ENTREP2: variants seen among roughly 807,000 people sequenced by gnomAD.
ENTREP2 encodes the protein endosomal transmembrane epsin interactor 2, also known as protein ENTREP2.
the ENTREP2 span, among the ~76,000 whole-genome samples, chr15:29,159,215 A>C: frequency 6.6e-6 from 1 of 151,578 alleles, no homozygotes; most frequent in Admixed American, 6.6e-5. Context: ...CTGGCCTAGG[A>C]GTGAAACCAC....
the ENTREP2 span, chr15:29,570,427 T>C: frequency 1.0e-6 from 1 of 955,678 alleles, no homozygotes; most frequent in Non-Finnish European, 1.3e-6. Context: ...CGCGGTGGCG[T>C]CCCGGCGGCC....
chr15:29,670,547 C>T, the ENTREP2 span, among the ~76,000 whole-genome samples: 175 of 152,346 alleles, frequency 1.1e-3, 1 homozygote, highest in South Asian at 0.035. Flanking sequence ...GTTACTCATT[C>T]AGGGCACTGT....
At chr15:29,386,561 A>G in the ENTREP2 span, among the ~76,000 whole-genome samples, 7 of 152,328 alleles carry the variant, frequency 4.6e-5, no homozygotes, top group South Asian at 1.2e-3. Context: ...GTCATTTGCT[A>G]CACAGCAACA....
At chr15:29,340,372 G>A in the ENTREP2 span, among the ~76,000 whole-genome samples, 2 of 152,156 alleles carry the variant, frequency 1.3e-5, no homozygotes, top group East Asian at 3.9e-4. Context: ...AGACAATGGG[G>A]AAGCATCAGA....
the ENTREP2 span, among the ~76,000 whole-genome samples, chr15:29,432,578 G>C: frequency 3.0e-4 from 46 of 152,302 alleles, no homozygotes; most frequent in African/African-American, 1.1e-3. Context: ...AGCTTTGCTG[G>C]GATCAGGACC....
the ENTREP2 span, among the ~76,000 whole-genome samples, chr15:29,445,264 TG>T: frequency 6.6e-6 from 1 of 152,156 alleles, no homozygotes; most frequent in Non-Finnish European, 1.5e-5. Context: ...TCCTAACACT[TG>T]GAATCTCCAA....
the ENTREP2 span, among the ~76,000 whole-genome samples, chr15:29,345,693 C>A: frequency 6.6e-6 from 1 of 151,650 alleles, no homozygotes; most frequent in Non-Finnish European, 1.5e-5. Flanking sequence ...TGCCCCACAT[C>A]CCCCCCAGCT....
chr15:29,416,021 T>C, the ENTREP2 span, among the ~76,000 whole-genome samples: 1 of 152,130 alleles, frequency 6.6e-6, no homozygotes, highest in African/African-American at 2.4e-5. Flanking sequence ...GGAAGAACAT[T>C]CCATGCTCAT....
chr15:29,208,499 T>C, the ENTREP2 span, among the ~76,000 whole-genome samples: 1 of 152,176 alleles, frequency 6.6e-6, no homozygotes. Context: ...CTCTCTGTGC[T>C]TCTGCAGGAA....
chr15:29,269,087 C>T, the ENTREP2 span: 15,115 of 1,613,958 alleles, frequency 9.4e-3, 1,038 homozygotes, highest in African/African-American at 0.16. Context: ...GTGGGGTAGA[C>T]CCCTAAGCGC....
the ENTREP2 span, among the ~76,000 whole-genome samples, chr15:29,359,911 T>A: frequency 1.3e-5 from 2 of 152,210 alleles, no homozygotes; most frequent in African/African-American, 2.4e-5. Flanking sequence ...CACTATTTAT[T>A]GTATATCATA....
At chr15:29,167,018 A>C in the ENTREP2 span, among the ~76,000 whole-genome samples, 2 of 152,242 alleles carry the variant, frequency 1.3e-5, no homozygotes, top group Admixed American at 6.5e-5. Context: ...TAAACCAAGT[A>C]CTTAAAGCCA....
chr15:29,520,068 G>A, the ENTREP2 span, among the ~76,000 whole-genome samples: 1 of 152,118 alleles, frequency 6.6e-6, no homozygotes, highest in South Asian at 2.1e-4. Context: ...TTGCATTCAA[G>A]TAAAATAAAC....
chr15:29,270,173 A>G, the ENTREP2 span, among the ~76,000 whole-genome samples: 1 of 152,172 alleles, frequency 6.6e-6, no homozygotes, highest in Non-Finnish European at 1.5e-5. Context: ...AGTAAAGTAA[A>G]AACATTTATT....
chr15:29,164,982 C>G, the ENTREP2 span, among the ~76,000 whole-genome samples: 1 of 152,132 alleles, frequency 6.6e-6, no homozygotes, highest in African/African-American at 2.4e-5. Context: ...CAAGCACTCT[C>G]TCAGTGGAAT....
At chr15:29,272,733 G>C in the ENTREP2 span, among the ~76,000 whole-genome samples, 1 of 152,164 alleles carries the variant, frequency 6.6e-6, no homozygotes, top group Non-Finnish European at 1.5e-5. Flanking sequence ...AAGGAGAAAT[G>C]TGCATATGCG....
chr15:29,348,673 C>T, the ENTREP2 span, among the ~76,000 whole-genome samples: 1 of 152,064 alleles, frequency 6.6e-6, no homozygotes. Context: ...TGCAATGTGA[C>T]CCGCGATTTG....
the ENTREP2 span, among the ~76,000 whole-genome samples, chr15:29,223,972 C>G: frequency 7.3e-3 from 1,115 of 152,326 alleles, 10 homozygotes; most frequent in African/African-American, 0.025. Flanking sequence ...GATAGCTCCA[C>G]CTCTGTACTC....
chr15:29,532,146 T>C, the ENTREP2 span, among the ~76,000 whole-genome samples: 3 of 152,174 alleles, frequency 2.0e-5, no homozygotes, highest in Non-Finnish European at 4.4e-5. Flanking sequence ...TTTGTATACC[T>C]CAGATTCTAA....
Sources: gnomAD v4.1 joint callset for allele counts (sites outside exome capture counted in the v4.1 genomes callset) on GRCh38, gnomAD v4.1.1 for gene constraint, MANE v1.5 for transcripts, NCBI Gene and HGNC (gene_info 2026-07-23, HGNC 2026-07-21) for gene names.